Variants in PDE10A observed in about 807,000 individuals in gnomAD.
PDE10A encodes cAMP and cAMP-inhibited cGMP 3',5'-cyclic phosphodiesterase 10A.
In PDE10A, 39 loss-of-function variants were observed where a neutral mutation model predicts 97.7. That is an observed-to-expected ratio of 0.40 (90% CI 0.31 to 0.52). The LOEUF is 0.52. Among genes scored for constraint, PDE10A ranks in the 20% least tolerant of loss-of-function variants. PDE10A has a pLI of 0.56. For synonymous variants in PDE10A, 371 were observed against 376.8 expected (o/e 0.98, Z 0.18); for missense variants, 731 against 1,047.8 (o/e 0.70, Z 4.17).
At chr6:165,652,059 T>A (rs962696690) in intron 1 of PDE10A, among the ~76,000 whole-genome samples, 1 of 152,212 alleles carries the variant, frequency 6.6e-6, no homozygotes, top group African/African-American at 2.4e-5. Context: ...TATAAGTAGA[T>A]CTTTAATCTG....
chr6:165,716,931 C>A (rs966868006), intron 1 of PDE10A, among the ~76,000 whole-genome samples: 3 of 152,180 alleles, frequency 2.0e-5, no homozygotes, highest in African/African-American at 4.8e-5. Context: ...TCACCACCGT[C>A]CATCTCCAGA....
intron 18 of PDE10A, among the ~76,000 whole-genome samples, chr6:165,367,643 T>C (rs73243924): frequency 7.5e-6 from 1 of 132,730 alleles, no homozygotes; most frequent in Non-Finnish European, 1.6e-5. Context: ...AACTGCTGAC[T>C]TTTCCCCTCA....
At chr6:165,480,107 T>C (rs929233606) in intron 3 of PDE10A, among the ~76,000 whole-genome samples, 1 of 152,210 alleles carries the variant, frequency 6.6e-6, no homozygotes, top group Non-Finnish European at 1.5e-5. Flanking sequence ...CCAAAGACTG[T>C]CAACCCACAT....
rs548535401 is a variant in PDE10A at position 165,470,874 on chromosome 6, A to G, written c.1023+11441T>C. On this transcript the variant is annotated intron_variant, in intron 3 of 21. Transcript: ENST00000539869. ...CTGAATCACTTCCACAAATATATAA[A>G]CATGCTGTCATTTATCCCATATTTT... Among the ~76,000 whole-genome samples the G allele has an allele frequency of 5.9e-5, 9 of 152,298 alleles. No homozygotes were observed. In the East Asian group the frequency reaches 1.7e-3, roughly 29 times the overall value.
At chr6:165,597,766 A>G (rs1229179572) in intron 1 of PDE10A, among the ~76,000 whole-genome samples, 1 of 152,230 alleles carries the variant, frequency 6.6e-6, no homozygotes, top group East Asian at 1.9e-4. Context: ...GACAGGAGAA[A>G]AGCCGGATGA....
At chr6:165,963,051 T>C (rs1784405144) in intron 1 of PDE10A, among the ~76,000 whole-genome samples, 1 of 152,240 alleles carries the variant, frequency 6.6e-6, no homozygotes. Context: ...GGATGGAAAT[T>C]TGTCATATGT....
chr6:165,401,818 A>G (rs1293305842), intron 13 of PDE10A, among the ~76,000 whole-genome samples: 1 of 152,182 alleles, frequency 6.6e-6, no homozygotes, highest in Non-Finnish European at 1.5e-5. Context: ...TCAATAAAAA[A>G]TTATTTAATA....
intron 1 of PDE10A, among the ~76,000 whole-genome samples, chr6:165,787,135 G>A (rs1386664190): frequency 6.6e-6 from 1 of 151,852 alleles, no homozygotes; most frequent in East Asian, 1.9e-4. Context: ...TTAAAGAAGC[G>A]AGATAAAATT....
In PDE10A at chr6:165,367,957, G is replaced by C. The variant is rs1783923961; in HGVS notation, c.2783+11237C>G. 2.6e-5 allele frequency among the ~76,000 whole-genome samples: 4 copies of C among 152,104 alleles called. No homozygotes were observed. The South Asian group carries it at 8.3e-4, about 32-fold the overall frequency. On this transcript the variant is annotated intron_variant, in intron 18 of 21. Transcript: ENST00000539869. Reference sequence around the variant, plus strand: ...TAATGAATTAAAAACAGAGGAAATGGTATACATGTGAAAAATATAAAAAGT... The same window carrying C: ...TAATGAATTAAAAACAGAGGAAATGCTATACATGTGAAAAATATAAAAAGT...
chr6:165,915,791 G>C (rs1007991452), intron 1 of PDE10A, among the ~76,000 whole-genome samples: 1 of 152,162 alleles, frequency 6.6e-6, no homozygotes, highest in Admixed American at 6.5e-5. Flanking sequence ...ACACCTCAAG[G>C]CTTCTTTACT....
chr6:165,954,891 A>G (rs1037732155), intron 1 of PDE10A, among the ~76,000 whole-genome samples: 6 of 152,078 alleles, frequency 3.9e-5, no homozygotes, highest in Non-Finnish European at 8.8e-5. Flanking sequence ...GGAGAAGGTC[A>G]TGAATTAGCT....
At chr6:165,372,723 A>C (rs1262281290) in intron 18 of PDE10A, among the ~76,000 whole-genome samples, 1 of 125,294 alleles carries the variant, frequency 8.0e-6, no homozygotes, top group Non-Finnish European at 1.6e-5. Flanking sequence ...AATTGGAAAA[A>C]AATACTTTAA....
At chr6:165,727,209 GGACGGAGGC>G (rs1792321620) in intron 1 of PDE10A, among the ~76,000 whole-genome samples, 2 of 152,340 alleles carry the variant, frequency 1.3e-5, no homozygotes, top group South Asian at 4.1e-4. Context: ...TAGTGACTCA[GGACGGAGGC>G]GACTCCTTGA....
chr6:165,452,425 G>A (rs531908987), intron 3 of PDE10A, among the ~76,000 whole-genome samples: 6 of 152,322 alleles, frequency 3.9e-5, no homozygotes, highest in South Asian at 4.1e-4. Context: ...GTTGAGAGGT[G>A]GGACCTTTAA....
At chr6:165,592,017 T>C (rs115829577) in intron 1 of PDE10A, among the ~76,000 whole-genome samples, 2,346 of 152,268 alleles carry the variant, frequency 0.015, 59 homozygotes, top group African/African-American at 0.054. Flanking sequence ...GTTTAAAATG[T>C]GCTAAGCTGG....
intron 1 of PDE10A, among the ~76,000 whole-genome samples, chr6:165,879,572 A>G (rs1036814573): frequency 1.3e-5 from 2 of 152,144 alleles, no homozygotes; most frequent in African/African-American, 4.8e-5. Context: ...TGCTATCTTC[A>G]GGGGATTGGT....
intron 1 of PDE10A, chr6:165,948,366 G>A (rs551166508): frequency 4.4e-4 from 67 of 152,314 alleles, no homozygotes; most frequent in African/African-American, 1.4e-3. Context: ...AAGAGTTATT[G>A]ATTCTCCCTT....
intron 1 of PDE10A, among the ~76,000 whole-genome samples, chr6:165,742,777 C>T (rs1053965814): frequency 6.6e-6 from 1 of 152,134 alleles, no homozygotes; most frequent in African/African-American, 2.4e-5. Flanking sequence ...AGCCTCTCAG[C>T]TGTGCTCTTC....
At chr6:165,719,220 G>A (rs1792102564) in intron 1 of PDE10A, among the ~76,000 whole-genome samples, 1 of 152,154 alleles carries the variant, frequency 6.6e-6, no homozygotes, top group South Asian at 2.1e-4. Flanking sequence ...ATCACCTAGG[G>A]CTGAAGTCCA....
Sources: allele counts gnomAD v4.1 joint callset (sites outside exome capture counted in the v4.1 genomes callset), GRCh38; gene constraint gnomAD v4.1.1; transcripts MANE v1.5; gene names NCBI Gene and HGNC (gene_info 2026-07-23, HGNC 2026-07-21).